The following PKHD1L1 variants were observed in gnomAD, a reference collection of about 807,000 sequenced individuals.
PKHD1L1 encodes the protein fibrocystin-L.
Under a neutral mutation model 462.9 loss-of-function variants are expected in PKHD1L1, and 434 were observed. That is an observed-to-expected ratio of 0.94 (90% CI 0.87 to 1.02). PKHD1L1 has a LOEUF of 1.02. Among genes scored for constraint, PKHD1L1 ranks in the 50% least tolerant of loss-of-function variants. PKHD1L1 has a pLI of 0.00. For synonymous variants in PKHD1L1, 1,781 were observed against 1,750.0 expected, an observed-to-expected ratio of 1.02 and a Z score of -0.44; for missense variants, 5,202 against 5,096.1, an observed-to-expected ratio of 1.02 and a Z score of -0.63.
chr8:109,465,231 A>G lies in PKHD1L1; in HGVS notation c.8399A>G (p.Asp2800Gly). ...WEHEMVMIDV[D>G]GSLTGHKGHT... is the part of the protein sequence containing the mutation. ...CATGAAATGGTAATGATTGATGTTG[A>G]TGGCTCACTTACAGGTAATGTTATT... Residue 2800 changes from aspartate (D) to glycine (G), a missense_variant, in exon 49 of 78, where the codon GAT becomes GGT. Asp to Gly is a moderately conservative substitution (Grantham distance 94). Transcript: ENST00000378402. The G allele has an allele frequency of 6.2e-7, 1 of 1,612,692 alleles. No homozygotes were observed. The highest frequency in any genetic ancestry group is 8.5e-7 in the Non-Finnish European group (1 of 1,179,120).
intron 50 of PKHD1L1, among the ~76,000 whole-genome samples, chr8:109,471,647 C>T (rs1254567366): frequency 1.3e-5 from 2 of 152,030 alleles, no homozygotes; most frequent in African/African-American, 4.8e-5. Flanking sequence ...AAACATATAC[C>T]GCCCATAGTG....
chr8:109,402,565 A>G (rs1813326287), intron 14 of PKHD1L1, among the ~76,000 whole-genome samples: 2 of 152,188 alleles, frequency 1.3e-5, no homozygotes, highest in South Asian at 4.1e-4. Context: ...TGATAGGTGC[A>G]GTAAAGAGGG....
intron 2 of PKHD1L1, among the ~76,000 whole-genome samples, chr8:109,371,256 G>C (rs1303859530): frequency 6.6e-6 from 1 of 152,222 alleles, no homozygotes; most frequent in East Asian, 1.9e-4. Flanking sequence ...AATGGCCAGA[G>C]ATGGTGAGCA....
intron 76 of PKHD1L1, among the ~76,000 whole-genome samples, chr8:109,526,283 ATC>A (rs1012121875): frequency 3.0e-4 from 45 of 152,370 alleles, no homozygotes; most frequent in African/African-American, 1.1e-3. Context: ...AGTTTTTTGA[ATC>A]TTAATGGAAG....
intron 73 of PKHD1L1, among the ~76,000 whole-genome samples, chr8:109,519,601 C>T (rs549761228): frequency 6.6e-6 from 1 of 152,210 alleles, no homozygotes; most frequent in Non-Finnish European, 1.5e-5. Context: ...AGGTGTACCC[C>T]TCCCCAAGAA....
rs192623468 is a variant in PKHD1L1 at position 109,524,950 on chromosome 8, C to A, written c.12484+1564C>A. On this transcript the variant is annotated intron_variant, in intron 76 of 77. Transcript: ENST00000378402. ...CTCTTTTCTTCATCAAGTGTGGCAT[C>A]CCTGGTTATGTACAATAAGGAAAGC... Among the ~76,000 whole-genome samples the A allele has an allele frequency of 1.1e-4, 17 of 151,892 alleles. No homozygotes were observed. In the East Asian group the frequency reaches 3.3e-3, roughly 30 times the overall value.
intron 51 of PKHD1L1, among the ~76,000 whole-genome samples, chr8:109,475,630 A>G (rs1277986170): frequency 6.6e-6 from 1 of 151,720 alleles, no homozygotes; most frequent in Non-Finnish European, 1.5e-5. Flanking sequence ...TGAGGTCAAG[A>G]GTTTGAGACC....
intron 14 of PKHD1L1, among the ~76,000 whole-genome samples, chr8:109,402,327 A>T (rs1348300590): frequency 6.6e-6 from 1 of 152,174 alleles, no homozygotes; most frequent in Non-Finnish European, 1.5e-5. Flanking sequence ...TATTTTGCAC[A>T]ATTTTATAGT....
intron 71 of PKHD1L1, among the ~76,000 whole-genome samples, chr8:109,514,900 A>C (rs1820183156): frequency 6.6e-6 from 1 of 152,058 alleles, no homozygotes; most frequent in African/African-American, 2.4e-5. Flanking sequence ...CTTTTAAATG[A>C]ATCTTTCTTT....
At chr8:109,365,447 T>C (rs1366916632) in intron 2 of PKHD1L1, among the ~76,000 whole-genome samples, 1 of 152,192 alleles carries the variant, frequency 6.6e-6, no homozygotes, top group Non-Finnish European at 1.5e-5. Context: ...AATCTCTCAA[T>C]GATATGCTTA....
chr8:109,430,065 G>A, intron 27 of PKHD1L1, 28 bp downstream of exon 27: 1 of 1,420,330 alleles, frequency 7.0e-7, no homozygotes, highest in South Asian at 1.2e-5. Flanking sequence ...AACCTATACT[G>A]GGTGTGAAAG....
At chr8:109,467,430 T>G (rs113922655) in intron 50 of PKHD1L1, among the ~76,000 whole-genome samples, 12,643 of 117,452 alleles carry the variant, frequency 0.11, 750 homozygotes, top group Non-Finnish European at 0.14. Context: ...AACTCAAGGA[T>G]TTAAACTTGC....
In PKHD1L1 at chr8:109,425,143, A is replaced by T; in HGVS notation, c.2756A>T (p.Glu919Val). ...TACAGAGGAAATAATTGGCCAGGCG[A>T]GTCAAAAATTCATATTCAAAGAATT... ...FVYRGNNWPG[E>V]SKIHIQRIQA... Residue 919 changes from glutamate (E) to valine (V), a missense_variant, in exon 24 of 78, where the codon GAG becomes GTG. Glu to Val is a moderately radical substitution (Grantham distance 121). Coordinates refer to ENST00000378402, the MANE Select transcript of PKHD1L1 (RefSeq NM_177531.6). The T allele has an allele frequency of 6.2e-7, 1 of 1,610,014 alleles. No homozygotes were observed. Among genetic ancestry groups the T allele is most frequent in the Middle Eastern group, 1.7e-4 (1 of 6,054 alleles).
chr8:109,456,905 A>T (rs1246348269), intron 46 of PKHD1L1, among the ~76,000 whole-genome samples: 1 of 152,168 alleles, frequency 6.6e-6, no homozygotes, highest in Non-Finnish European at 1.5e-5. Context: ...AAGAGAAGAA[A>T]TAATTATACA....
At chr8:109,428,367 T>C (rs1268993147) in intron 25 of PKHD1L1, among the ~76,000 whole-genome samples, 1 of 152,164 alleles carries the variant, frequency 6.6e-6, no homozygotes, top group Non-Finnish European at 1.5e-5. Flanking sequence ...TAGACCCACA[T>C]ATATTTACCT....
chr8:109,493,758 C>A lies in PKHD1L1; in HGVS notation c.10327+7C>A. ...GATGGTGAACCTTGCCCAGGTAAGT[C>A]TTTTAAACCAGGAATCGCTAAAACT... On this transcript the variant is annotated splice_region_variant and intron_variant, in intron 63 of 77. Coordinates refer to ENST00000378402, the MANE Select transcript of PKHD1L1 (RefSeq NM_177531.6). 1 of 1,568,418 alleles carries A rather than the reference C, an allele frequency of 6.4e-7. No homozygotes were observed. The highest frequency in any genetic ancestry group is 8.6e-7 in the Non-Finnish European group (1 of 1,156,116).
At chr8:109,483,974 T>C (rs1818400803) in intron 57 of PKHD1L1, among the ~76,000 whole-genome samples, 1 of 151,742 alleles carries the variant, frequency 6.6e-6, no homozygotes, top group Non-Finnish European at 1.5e-5. Flanking sequence ...CCAAGAAAAA[T>C]TAGAGAAATG....
At chr8:109,465,737 AC>A (rs1194383018) in intron 49 of PKHD1L1, among the ~76,000 whole-genome samples, 12 of 152,350 alleles carry the variant, frequency 7.9e-5, no homozygotes, top group African/African-American at 2.6e-4. Context: ...GAAATAAGTC[AC>A]AAACCAGCTG....
chr8:109,410,339 C>G (rs1397934663), intron 19 of PKHD1L1, among the ~76,000 whole-genome samples: 1 of 152,130 alleles, frequency 6.6e-6, no homozygotes, highest in Non-Finnish European at 1.5e-5. Context: ...GTTTAATTGG[C>G]TCACAGTTCT....
Sources: gnomAD v4.1 joint callset for allele counts (sites outside exome capture counted in the v4.1 genomes callset) on GRCh38, gnomAD v4.1.1 for gene constraint, MANE v1.5 for transcripts, NCBI Gene and HGNC (gene_info 2026-07-23, HGNC 2026-07-21) for gene names.